Variants in NAV1 observed in about 807,000 individuals in gnomAD.
NAV1 encodes the protein neuron navigator 1, also known as pore membrane and/or filament interacting like protein 3.
Under a neutral mutation model 175.2 loss-of-function variants are expected in NAV1, and 18 were observed. The ratio of observed to expected loss-of-function variants is 0.10; its 90% CI spans 0.07 to 0.15. The LOEUF (loss-of-function observed/expected upper bound fraction) is 0.15, where lower values mean the gene tolerates loss of function less well. NAV1 is among the 10% of genes least tolerant of loss of function. NAV1 has a pLI of 1.00. For missense variants in NAV1, 1,731 were observed against 2,436.6 expected (o/e 0.71, Z 6.10); for synonymous variants, 897 against 978.7 (o/e 0.92, Z 1.56).
Position 201,601,397 on chromosome 1 carries a change from C to T in NAV1, c.-33+12748C>T, listed in dbSNP as rs114628452. 3.6e-3 allele frequency among the ~76,000 whole-genome samples: 545 copies of T among 152,240 alleles called. 4 individuals are homozygous for T. The highest frequency in any genetic ancestry group is 0.013 in the African/African-American group (527 of 41,540). On this transcript the variant is annotated intron_variant, in intron 2 of 33. Transcript: ENST00000685211. ...ACTTGGGAGACTAAGGTGGGAGGAT[C>T]GCTTGAGCCTGGGAGGTTGAGGCTG...
chr1:201,749,565 T>C (rs1261508921), intron 3 of NAV1, among the ~76,000 whole-genome samples: 1 of 152,232 alleles, frequency 6.6e-6, no homozygotes, highest in African/African-American at 2.4e-5. Context: ...TTTCCTAGAA[T>C]TGCATTTGCT....
rs907647545 is a variant in NAV1 at position 201,806,945 on chromosome 1, G to A, written c.3649-1008G>A. Among the ~76,000 whole-genome samples, 5 of 151,948 alleles carry A rather than the reference G, an allele frequency of 3.3e-5. No homozygotes were observed. In the East Asian group the frequency reaches 7.7e-4, roughly 23 times the overall value. ...AAATTTTTCCTTCTTTTTTCTCACC[G>A]TCCCAAAGATCTGGTTTGCCTTTGT... On this transcript the variant is annotated intron_variant, in intron 17 of 29. Transcript: ENST00000367296.
rs561738578 is a variant in NAV1 at position 201,774,663 on chromosome 1, G to T, written c.1227-5758G>T. On this transcript the variant is annotated intron_variant, in intron 3 of 29. Coordinates refer to ENST00000367296, the Ensembl canonical transcript of NAV1. ...TCTAGATGGTTTCTTCTGCCTCTGT[G>T]TAATTTGACTTTGGAACTCCAAAGC... is the stretch of plus-strand genomic sequence containing the variant. Among the ~76,000 whole-genome samples the T allele has an allele frequency of 3.3e-5, 5 of 152,248 alleles. No homozygotes were observed. The South Asian group carries it at 1.0e-3, about 32-fold the overall frequency.
intron 1 of NAV1, chr1:201,673,425 A>C (rs2102383126): frequency 6.6e-6 from 1 of 152,344 alleles, no homozygotes; most frequent in East Asian, 1.9e-4. Flanking sequence ...TAGCAGCCTC[A>C]ATTATTTACA....
chr1:201,635,083 G>C (rs1178058946), intron 2 of NAV1, among the ~76,000 whole-genome samples: 1 of 152,110 alleles, frequency 6.6e-6, no homozygotes, highest in Admixed American at 6.5e-5. Context: ...CTGTCACCCA[G>C]GCTGGAGTGC....
At chr1:201,681,399 A>G (rs1670455285) in intron 1 of NAV1, among the ~76,000 whole-genome samples, 1 of 152,226 alleles carries the variant, frequency 6.6e-6, no homozygotes. Flanking sequence ...GAGACTTTGT[A>G]TACTAATGGG....
At chr1:201,551,369 C>T (rs1571816312) in intron 1 of NAV1, among the ~76,000 whole-genome samples, 1 of 152,296 alleles carries the variant, frequency 6.6e-6, no homozygotes, top group South Asian at 2.1e-4. Context: ...CCTGGGATTA[C>T]AGGAGCACAC....
At chr1:201,593,015 T>C (rs1008309078) in intron 2 of NAV1, among the ~76,000 whole-genome samples, 5 of 152,154 alleles carry the variant, frequency 3.3e-5, no homozygotes, top group African/African-American at 1.2e-4. Flanking sequence ...TCAGTCTGCA[T>C]GAGGCTCCTA....
intron 3 of NAV1, among the ~76,000 whole-genome samples, chr1:201,721,227 G>T (rs986959342): frequency 7.9e-5 from 12 of 152,212 alleles, no homozygotes; most frequent in African/African-American, 2.7e-4. Flanking sequence ...CCTGTAAACT[G>T]TGATGCTAGT....
At chr1:201,567,525 C>T (rs770246130) in intron 1 of NAV1, among the ~76,000 whole-genome samples, 7 of 152,194 alleles carry the variant, frequency 4.6e-5, no homozygotes, top group Admixed American at 6.5e-5. Context: ...GAAAATATTG[C>T]TCAGGGAGGC....
rs368434731 is a variant in NAV1, at chr1:201,740,094, C to T, written c.1226+21339C>T. On this transcript the variant is annotated intron_variant, in intron 3 of 29. Transcript: ENST00000367296. The surrounding 1 kb of genome is among the most constrained non-coding windows in gnomAD (Gnocchi z 4.7). ...CCCCGCAGGTAAGCGCCCCCACCCC[C>T]CTGGCCTCACCGCCAGACCGCAGAG... is the stretch of plus-strand genomic sequence containing the variant. The T allele has an allele frequency of 1.0e-5, 15 of 1,439,742 alleles. No homozygotes were observed. The African/African-American group carries it at 1.2e-4, about 11-fold the overall frequency. 89.2% of individuals were successfully genotyped at this position (1,439,742 alleles called of 1,614,324 possible). A position where few individuals can be genotyped will look rare whatever the true frequency, so the allele number is the denominator to read the frequency against.
At chr1:201,665,594 C>CT (rs1177731324) in intron 1 of NAV1, among the ~76,000 whole-genome samples, 1 of 69,440 alleles carries the variant, frequency 1.4e-5, no homozygotes, top group African/African-American at 6.2e-5. Flanking sequence ...CACCCCACCC[C>CT]CCCCACTGCC....
intron 3 of NAV1, among the ~76,000 whole-genome samples, chr1:201,722,149 T>A (rs758185164): frequency 2.0e-5 from 3 of 152,184 alleles, no homozygotes; most frequent in Non-Finnish European, 4.4e-5. Flanking sequence ...AGTGTACAGT[T>A]TAGTGGCATT....
chr1:201,703,527 GC>G (rs140231451), intron 1 of NAV1, among the ~76,000 whole-genome samples: 3,038 of 152,304 alleles, frequency 0.02, 107 homozygotes, highest in African/African-American at 0.07. Context: ...AGGGCTCGAG[GC>G]CAGGCACCCT....
At chr1:201,698,530 G>A (rs1261139535) in intron 1 of NAV1, among the ~76,000 whole-genome samples, 4 of 152,224 alleles carry the variant, frequency 2.6e-5, no homozygotes, top group Non-Finnish European at 1.5e-5. Flanking sequence ...TTGAAATGCA[G>A]CCACTTCCAA....
At chr1:201,602,478 T>C (rs981636658) in intron 2 of NAV1, among the ~76,000 whole-genome samples, 2 of 152,066 alleles carry the variant, frequency 1.3e-5, no homozygotes, top group Non-Finnish European at 2.9e-5. Flanking sequence ...GTAGCTGAGA[T>C]TACAGGTGTG....
chr1:201,808,165 C>G lies in NAV1; in HGVS notation c.3845+16C>G. The G allele has an allele frequency of 1.2e-6, 2 of 1,613,348 alleles. No individual in the cohort carries two copies. Among genetic ancestry groups the G allele is most frequent in the Non-Finnish European group, 1.7e-6 (2 of 1,179,448 alleles). On this transcript the variant is annotated intron_variant, in intron 18 of 29. Transcript: ENST00000367296. This position sits in a 1 kb window ranked among gnomAD's most constrained non-coding sequence, Gnocchi z 5.5. ...ATGTCACCGAGTAAGTGCTCTTTGG[C>G]TCCCTGCCACCCAGCCTGTTACCAG... is the stretch of plus-strand genomic sequence containing the variant.
chr1:201,756,889 T>C (rs1291837874), intron 3 of NAV1, among the ~76,000 whole-genome samples: 2 of 148,164 alleles, frequency 1.3e-5, no homozygotes. Flanking sequence ...TCTTTCTCTG[T>C]CTTTCTCCCC....
intron 3 of NAV1, among the ~76,000 whole-genome samples, chr1:201,756,018 A>T (rs372420609): frequency 3.6e-4 from 54 of 151,494 alleles, no homozygotes; most frequent in African/African-American, 1.3e-3. Flanking sequence ...GAGGCAGGAG[A>T]ATTGCTTGAA....
Sources: allele counts gnomAD v4.1 joint callset (sites outside exome capture counted in the v4.1 genomes callset), GRCh38; gene constraint gnomAD v4.1.1; non-coding constraint Gnocchi (gnomAD v3.1); transcripts MANE v1.5; gene names NCBI Gene and HGNC (gene_info 2026-07-23, HGNC 2026-07-21).